LRMDA: variants seen among roughly 807,000 people sequenced by gnomAD.
LRMDA encodes leucine-rich melanocyte differentiation-associated protein.
Under a neutral mutation model 29.8 loss-of-function variants are expected in LRMDA, and 18 were observed. The observed-to-expected ratio is 0.60, with a 90% CI of 0.42 to 0.90. The LOEUF is 0.90. LRMDA is among the 40% of genes least tolerant of loss of function. The pLI is 0.00. For missense variants in LRMDA, 273 were observed against 273.9 expected, an observed-to-expected ratio of 1.00 and a Z score of 0.02; for synonymous variants, 125 against 109.4, an observed-to-expected ratio of 1.14 and a Z score of -0.89.
intron 5 of LRMDA, among the ~76,000 whole-genome samples, chr10:76,109,163 C>T (rs1382447027): frequency 6.6e-6 from 1 of 152,130 alleles, no homozygotes; most frequent in African/African-American, 2.4e-5. Flanking sequence ...AACAGTGTGC[C>T]TGCGCATGGG....
intron 5 of LRMDA, among the ~76,000 whole-genome samples, chr10:76,218,178 A>T (rs1234146389): frequency 6.6e-6 from 1 of 152,212 alleles, no homozygotes; most frequent in East Asian, 1.9e-4. Flanking sequence ...ATGGAATTTC[A>T]TTAGGTCCTT....
intron 2 of LRMDA, among the ~76,000 whole-genome samples, chr10:75,697,789 C>A (rs1014130385): frequency 6.6e-6 from 1 of 151,726 alleles, no homozygotes; most frequent in African/African-American, 2.4e-5. Context: ...ATGCTAGAAA[C>A]ACGTGGGCAA....
chr10:76,084,364 A>ATT lies in LRMDA; in HGVS notation c.516+25611_516+25612dup, dbSNP rs71024586. On this transcript the variant is annotated intron_variant, in intron 5 of 6. Transcript: ENST00000611255. The stretch of plus-strand genomic sequence containing the variant: ...GGGTATGTGCCACTGCGCCCAGCTA[A>ATT]TTTTTTTTTTTTTTTTTTTTTTTTT... Among the ~76,000 whole-genome samples the ATT allele has an allele frequency of 7.3e-3, 515 of 70,906 alleles. 34 individuals carry two copies. Among genetic ancestry groups the ATT allele is most frequent in the Middle Eastern group, 0.013 (1 of 80 alleles). The allele number at this position is 70,906 out of a possible 152,430, so 46.5% of individuals were successfully genotyped here.
intron 5 of LRMDA, among the ~76,000 whole-genome samples, chr10:76,271,864 G>C (rs1377045092): frequency 6.6e-6 from 1 of 152,094 alleles, no homozygotes; most frequent in African/African-American, 2.4e-5. Context: ...CCATATACTT[G>C]TGACCATGGG....
intron 6 of LRMDA, among the ~76,000 whole-genome samples, chr10:76,507,593 C>T (rs1057045541): frequency 6.6e-6 from 1 of 151,970 alleles, no homozygotes; most frequent in East Asian, 1.9e-4. Flanking sequence ...TAAAGTATTT[C>T]CTCATTGTTT....
At chr10:76,299,690 T>TG (rs1226135144) in intron 5 of LRMDA, among the ~76,000 whole-genome samples, 1 of 151,548 alleles carries the variant, frequency 6.6e-6, no homozygotes, top group African/African-American at 2.4e-5. Flanking sequence ...GACTACTGCC[T>TG]GGGGGCCAAA....
chr10:76,338,333 C>T (rs912888119), intron 6 of LRMDA, among the ~76,000 whole-genome samples: 5 of 151,368 alleles, frequency 3.3e-5, no homozygotes, highest in Non-Finnish European at 7.4e-5. Context: ...CATTGTATTC[C>T]AGCCGGGGCA....
At chr10:76,522,419 G>A (rs1220977710) in intron 6 of LRMDA, among the ~76,000 whole-genome samples, 1 of 152,192 alleles carries the variant, frequency 6.6e-6, no homozygotes, top group East Asian at 1.9e-4. Flanking sequence ...TTCTAGAACG[G>A]TGCCAGGGAT....
intron 2 of LRMDA, among the ~76,000 whole-genome samples, chr10:75,835,070 T>C (rs1245764037): frequency 6.6e-6 from 1 of 152,264 alleles, no homozygotes; most frequent in African/African-American, 2.4e-5. Flanking sequence ...CGTTTTCTAT[T>C]GTCATTGCAA....
At chr10:75,679,411 A>G (rs1350537022) in intron 2 of LRMDA, among the ~76,000 whole-genome samples, 3 of 152,160 alleles carry the variant, frequency 2.0e-5, no homozygotes, top group Non-Finnish European at 2.9e-5. Flanking sequence ...TGCCAAAGGT[A>G]ATTCAGAGAG....
intron 2 of LRMDA, among the ~76,000 whole-genome samples, chr10:76,013,268 G>A (rs988989739): frequency 2.4e-4 from 36 of 151,756 alleles, no homozygotes; most frequent in African/African-American, 8.2e-4. Flanking sequence ...CCCAGGCCTA[G>A]TCCCAATTAC....
chr10:76,193,070 G>A (rs962416428), intron 5 of LRMDA, among the ~76,000 whole-genome samples: 2 of 152,192 alleles, frequency 1.3e-5, no homozygotes, highest in South Asian at 4.2e-4. Flanking sequence ...AGTGGTCATC[G>A]CTGGACTAAG....
intron 6 of LRMDA, among the ~76,000 whole-genome samples, chr10:76,426,557 G>C (rs954928281): frequency 6.6e-6 from 1 of 152,140 alleles, no homozygotes; most frequent in Non-Finnish European, 1.5e-5. Flanking sequence ...TAGGTTGCCT[G>C]TTCACTCTGA....
intron 2 of LRMDA, among the ~76,000 whole-genome samples, chr10:75,640,003 T>G (rs563102139): frequency 2.0e-5 from 3 of 152,274 alleles, no homozygotes; most frequent in African/African-American, 7.2e-5. Flanking sequence ...CCATAACTTG[T>G]GCTAAAGATC....
At chr10:76,553,450 C>G (rs999016603) in intron 6 of LRMDA, among the ~76,000 whole-genome samples, 1 of 152,188 alleles carries the variant, frequency 6.6e-6, no homozygotes, top group Non-Finnish European at 1.5e-5. Flanking sequence ...ATGTTCTTTG[C>G]AAGCAAACTG....
At chr10:75,620,514 G>T (rs1841167628) in intron 2 of LRMDA, among the ~76,000 whole-genome samples, 1 of 152,114 alleles carries the variant, frequency 6.6e-6, no homozygotes, top group African/African-American at 2.4e-5. Flanking sequence ...GCATGATCCT[G>T]GTTGTGCAGA....
chr10:76,480,239 G>T (rs1193738914), intron 6 of LRMDA, among the ~76,000 whole-genome samples: 1 of 151,862 alleles, frequency 6.6e-6, no homozygotes, highest in African/African-American at 2.4e-5. Context: ...CTCACTGGAA[G>T]AATTAATGTT....
intron 2 of LRMDA, among the ~76,000 whole-genome samples, chr10:75,936,533 T>C (rs1846297226): frequency 2.0e-5 from 3 of 152,190 alleles, no homozygotes; most frequent in Non-Finnish European, 2.9e-5. Context: ...TTTGCTTCAC[T>C]GTGTTGGTCT....
chr10:75,564,377 C>G (rs1240851803), intron 2 of LRMDA, among the ~76,000 whole-genome samples: 1 of 152,184 alleles, frequency 6.6e-6, no homozygotes, highest in East Asian at 1.9e-4. Flanking sequence ...GTTTTTTAAG[C>G]CCTTTGGAAA....
Sources: allele counts gnomAD v4.1 joint callset (sites outside exome capture counted in the v4.1 genomes callset), GRCh38; gene constraint gnomAD v4.1.1; transcripts MANE v1.5; gene names NCBI Gene and HGNC (gene_info 2026-07-23, HGNC 2026-07-21).